Variants in DCC observed in about 807,000 individuals in gnomAD.
DCC encodes netrin receptor DCC.
In DCC, 58 loss-of-function variants were observed where a neutral mutation model predicts 172.5. The observed-to-expected ratio is 0.34, with a 90% CI of 0.27 to 0.42. The LOEUF is 0.42. Ranked by LOEUF, DCC falls within the 10% of genes least tolerant of loss-of-function variation. The pLI is 1.00. For missense variants in DCC, 1,740 were observed against 1,791.0 expected (o/e 0.97, Z 0.51); for synonymous variants, 709 against 644.5 (o/e 1.10, Z -1.52).
At chr18:52,730,048 T>C (rs75885611) in intron 1 of DCC, among the ~76,000 whole-genome samples, 3,115 of 152,286 alleles carry the variant, frequency 0.02, 126 homozygotes, top group East Asian at 0.2. Flanking sequence ...GAATACTTAA[T>C]AGCAAAACTT....
intron 1 of DCC, among the ~76,000 whole-genome samples, chr18:52,438,593 G>T (rs1052048844): frequency 6.6e-6 from 1 of 152,104 alleles, no homozygotes; most frequent in Non-Finnish European, 1.5e-5. Context: ...TTATATTTGA[G>T]CACTTATATA....
At chr18:53,459,129 C>A (rs909293840) in intron 23 of DCC, 103 bp from the exon 24 acceptor site, 7 of 943,912 alleles carry the variant, frequency 7.4e-6, no homozygotes, top group Admixed American at 1.9e-5. Flanking sequence ...TTCTGCGAGT[C>A]CTTTTGTTTC....
intron 1 of DCC, among the ~76,000 whole-genome samples, chr18:52,392,607 G>A (rs142564740): frequency 5.5e-4 from 83 of 152,200 alleles, no homozygotes; most frequent in African/African-American, 1.8e-3. Flanking sequence ...ACTAATATCA[G>A]GGGCTTAAGA....
chr18:53,136,883 T>C (rs908859821), intron 7 of DCC, among the ~76,000 whole-genome samples: 11 of 152,220 alleles, frequency 7.2e-5, no homozygotes, highest in Admixed American at 4.6e-4. Flanking sequence ...TTTCTACATA[T>C]GGCAGGAACT....
At chr18:53,505,340 A>AAAAT (rs1325046939) in intron 27 of DCC, 2 of 150,178 alleles carry the variant, frequency 1.3e-5, no homozygotes, top group African/African-American at 5.1e-5. Context: ...CAAATTAAAA[A>AAAAT]AAATAAAGAT....
chr18:53,312,627 G>C (rs541461258), intron 13 of DCC, among the ~76,000 whole-genome samples: 1 of 150,818 alleles, frequency 6.6e-6, no homozygotes, highest in Non-Finnish European at 1.5e-5. Context: ...TCAGGAGATC[G>C]AGAAACCCCG....
chr18:53,065,944 C>G lies in DCC; in HGVS notation c.1141-102C>G, dbSNP rs775914222. 22 of 1,419,960 alleles carry G rather than the reference C, an allele frequency of 1.5e-5. No homozygotes were observed. In the African/African-American group the frequency reaches 2.5e-4, roughly 16 times the overall value. 88.0% of individuals were successfully genotyped at this position (1,419,960 alleles called of 1,614,324 possible). On this transcript the variant is annotated intron_variant, in intron 6 of 28. Coordinates refer to ENST00000442544, the MANE Select transcript of DCC (RefSeq NM_005215.4). ...CCCCTCATGGCCTCTCCTCTTGTTT[C>G]TTCTGTGCTGTTTTATCAAACTTTG...
intron 12 of DCC, among the ~76,000 whole-genome samples, chr18:53,236,137 TCTTA>T (rs773573612): frequency 3.0e-4 from 45 of 152,232 alleles, no homozygotes; most frequent in Middle Eastern, 6.8e-3. Flanking sequence ...TAGATGTATG[TCTTA>T]CTTAATTAGA....
intron 2 of DCC, among the ~76,000 whole-genome samples, chr18:52,872,432 T>G (rs1598886325): frequency 6.6e-6 from 1 of 152,150 alleles, no homozygotes; most frequent in Admixed American, 6.5e-5. Context: ...GCTCCATCAG[T>G]GCAAATCTTC....
intron 5 of DCC, among the ~76,000 whole-genome samples, chr18:52,949,143 C>T (rs2040595955): frequency 6.6e-6 from 1 of 152,204 alleles, no homozygotes; most frequent in South Asian, 2.1e-4. Context: ...CATATCATTG[C>T]TGTGAGACTT....
At chr18:52,371,047 C>CA (rs1039041531) in intron 1 of DCC, among the ~76,000 whole-genome samples, 2 of 152,096 alleles carry the variant, frequency 1.3e-5, no homozygotes, top group Non-Finnish European at 2.9e-5. Context: ...AACTCCATTA[C>CA]AAAGAGAACT....
chr18:53,046,823 T>C (rs2042244955), intron 5 of DCC, among the ~76,000 whole-genome samples: 3 of 151,868 alleles, frequency 2.0e-5, no homozygotes, highest in African/African-American at 4.8e-5. Flanking sequence ...ATCTTCAAAA[T>C]AGGAAACCGA....
chr18:52,777,354 C>T (rs986740484), intron 2 of DCC, among the ~76,000 whole-genome samples: 19 of 152,118 alleles, frequency 1.2e-4, no homozygotes, highest in Non-Finnish European at 2.9e-5. Context: ...TTCTGTTGGC[C>T]CCATAAGTTA....
intron 2 of DCC, among the ~76,000 whole-genome samples, chr18:52,803,553 A>T (rs1168362700): frequency 6.6e-6 from 1 of 152,346 alleles, no homozygotes; most frequent in East Asian, 1.9e-4. Context: ...AAAATAGACT[A>T]GTACCTATAT....
chr18:52,458,923 A>T (rs1988542984), intron 1 of DCC, among the ~76,000 whole-genome samples: 1 of 152,180 alleles, frequency 6.6e-6, no homozygotes, highest in African/African-American at 2.4e-5. Flanking sequence ...TAGAATAATT[A>T]TGTCGCTTGA....
intron 23 of DCC, among the ~76,000 whole-genome samples, chr18:53,458,211 A>G (rs190682512): frequency 3.9e-5 from 6 of 152,358 alleles, no homozygotes; most frequent in African/African-American, 1.4e-4. Context: ...TTAAAGAAAT[A>G]GAAGTTACAA....
intron 1 of DCC, among the ~76,000 whole-genome samples, chr18:52,346,918 C>T (rs1983903253): frequency 6.6e-6 from 1 of 152,212 alleles, no homozygotes; most frequent in Non-Finnish European, 1.5e-5. Flanking sequence ...AGTCATTTCA[C>T]CATGGCCCTC....
At chr18:53,211,996 C>G (rs548344195) in intron 11 of DCC, among the ~76,000 whole-genome samples, 6 of 152,210 alleles carry the variant, frequency 3.9e-5, no homozygotes, top group African/African-American at 1.4e-4. Context: ...TGCAGTGAGC[C>G]TAGATCACAC....
In DCC at chr18:52,903,228, C is replaced by T. The variant is rs908526262; in HGVS notation, c.413-2816C>T. On this transcript the variant is annotated intron_variant, in intron 2 of 28. Transcript: ENST00000442544. ...TGTTTTATTATTTCTTTTTTTGAGA[C>T]AGGTTCTCACTCTCTTGCCCAGGCT... 2.0e-5 allele frequency among the ~76,000 whole-genome samples: 3 copies of T among 152,080 alleles called. No homozygotes were observed. The South Asian group carries it at 6.2e-4, about 31-fold the overall frequency.
Sources: gnomAD v4.1 joint callset for allele counts (sites outside exome capture counted in the v4.1 genomes callset) on GRCh38, gnomAD v4.1.1 for gene constraint, MANE v1.5 for transcripts, NCBI Gene and HGNC (gene_info 2026-07-23, HGNC 2026-07-21) for gene names.